Variants in TMEM178B observed in about 807,000 individuals in gnomAD.
TMEM178B encodes transmembrane protein 178B.
In TMEM178B, 5 loss-of-function variants were observed where a neutral mutation model predicts 31.0. The observed-to-expected ratio is 0.16, with a 90% CI of 0.08 to 0.34. TMEM178B has a LOEUF of 0.34. TMEM178B is among the 10% of genes least tolerant of loss of function. The pLI is 1.00. For synonymous variants in TMEM178B, 164 were observed against 164.0 expected (o/e 1.00, Z 0.00); for missense variants, 275 against 400.3 (o/e 0.69, Z 2.67).
chr7:141,501,846 T>TGC, the TMEM178B span, among the ~76,000 whole-genome samples: 1 of 144,920 alleles, frequency 6.9e-6, no homozygotes, highest in African/African-American at 2.9e-5. Flanking sequence ...CAGTCTCTCA[T>TGC]GCTCTCTCTC....
At chr7:141,435,141 C>T (rs927735108) in intron 2 of TMEM178B, among the ~76,000 whole-genome samples, 3 of 148,774 alleles carry the variant, frequency 2.0e-5, no homozygotes, top group African/African-American at 7.5e-5. Flanking sequence ...AGGACATCCT[C>T]TTCAGTAAAT....
At chr7:141,495,221 T>G in the TMEM178B span, among the ~76,000 whole-genome samples, 4 of 152,126 alleles carry the variant, frequency 2.6e-5, no homozygotes, top group Non-Finnish European at 4.4e-5. Flanking sequence ...AATGGGTCAT[T>G]GCTGAGGGAA....
the TMEM178B span, among the ~76,000 whole-genome samples, chr7:141,492,711 G>A: frequency 6.6e-5 from 10 of 152,224 alleles, no homozygotes; most frequent in East Asian, 9.7e-4. Flanking sequence ...TAGAAACAAC[G>A]AGCACATCAA....
At chr7:141,222,790 A>G (rs1048394251) in intron 2 of TMEM178B, among the ~76,000 whole-genome samples, 9 of 152,164 alleles carry the variant, frequency 5.9e-5, no homozygotes, top group Non-Finnish European at 1.5e-5. Flanking sequence ...AGGTGTTTAC[A>G]ATGTAGGAGT....
At chr7:141,487,910 G>C in the TMEM178B span, among the ~76,000 whole-genome samples, 72 of 151,960 alleles carry the variant, frequency 4.7e-4, no homozygotes, top group Non-Finnish European at 9.4e-4. Flanking sequence ...CCCCGCAGTG[G>C]CATCTTTGGA....
chr7:141,470,858 A>C lies in TMEM178B; in HGVS notation c.*72A>C. ...ATATACATATATAAAACAAAACAAA[A>C]CTAAATCAAGACGATGCCAGTGCCA... On this transcript the variant is annotated 3_prime_UTR_variant, in exon 4 of 4. Transcript: ENST00000565468. 9.1e-6 allele frequency: 8 copies of C among 880,724 alleles called. No individual in the cohort carries two copies. Among genetic ancestry groups the C allele is most frequent in the Non-Finnish European group, 1.1e-5 (8 of 711,562 alleles). 54.6% of individuals were successfully genotyped at this position (880,724 alleles called of 1,614,324 possible).
rs560141891 is a variant in TMEM178B, at chr7:141,171,729, G to A, written c.383-40862G>A. 7.9e-5 allele frequency among the ~76,000 whole-genome samples: 12 copies of A among 152,304 alleles called. No homozygotes were observed. Among genetic ancestry groups the A allele is most frequent in the African/African-American group, 2.9e-4 (12 of 41,570 alleles). On this transcript the variant is annotated intron_variant, in intron 1 of 3. Coordinates refer to ENST00000565468, the MANE Select transcript of TMEM178B (RefSeq NM_001195278.2). This position sits in a 1 kb window ranked among gnomAD's most constrained non-coding sequence, Gnocchi z 4.3. ...TCTTAGACAGGGCAGGGGGTAGAGA[G>A]GCGACAGTTAAGCAAGGCAGTGTGA... is the stretch of plus-strand genomic sequence containing the variant.
intron 2 of TMEM178B, among the ~76,000 whole-genome samples, chr7:141,389,221 T>TA (rs888299049): frequency 2.6e-5 from 4 of 152,194 alleles, no homozygotes; most frequent in Admixed American, 2.0e-4. Context: ...GAATGCATAG[T>TA]AAAAAACACG....
At chr7:141,469,689 G>A (rs1399226636) in intron 3 of TMEM178B, among the ~76,000 whole-genome samples, 1 of 152,130 alleles carries the variant, frequency 6.6e-6, no homozygotes, top group African/African-American at 2.4e-5. Context: ...ATTCATTTTA[G>A]GCACACCAAA....
chr7:141,415,793 G>C (rs1409536576), intron 2 of TMEM178B, among the ~76,000 whole-genome samples: 1 of 152,196 alleles, frequency 6.6e-6, no homozygotes, highest in Non-Finnish European at 1.5e-5. Context: ...TTCTGAATTA[G>C]AGGCACAGGC....
chr7:141,288,006 A>AT (rs1798475811), intron 2 of TMEM178B, among the ~76,000 whole-genome samples: 1 of 152,078 alleles, frequency 6.6e-6, no homozygotes, highest in Admixed American at 6.5e-5. Flanking sequence ...GTAGCTCAAA[A>AT]ATTCTTTTAA....
chr7:141,420,533 A>C (rs1801184320), intron 2 of TMEM178B, among the ~76,000 whole-genome samples: 1 of 152,176 alleles, frequency 6.6e-6, no homozygotes. Flanking sequence ...AAAATAAGTC[A>C]ATAGAGCTGC....
chr7:141,406,448 A>G (rs915158080), intron 2 of TMEM178B, among the ~76,000 whole-genome samples: 1 of 152,178 alleles, frequency 6.6e-6, no homozygotes, highest in Non-Finnish European at 1.5e-5. Context: ...CTGCCCATAA[A>G]TCCTAAGGAC....
chr7:141,211,022 T>C (rs1430269876), intron 1 of TMEM178B, among the ~76,000 whole-genome samples: 1 of 152,074 alleles, frequency 6.6e-6, no homozygotes, highest in African/African-American at 2.4e-5. Flanking sequence ...GAAATTGTTA[T>C]GGAAATTAGA....
chr7:141,373,598 T>G (rs1800156500), intron 2 of TMEM178B, among the ~76,000 whole-genome samples: 1 of 152,164 alleles, frequency 6.6e-6, no homozygotes, highest in Non-Finnish European at 1.5e-5. Flanking sequence ...GGTGGCCTTC[T>G]AAGAAGTCCC....
intron 2 of TMEM178B, among the ~76,000 whole-genome samples, chr7:141,365,633 A>C (rs570071077): frequency 7.0e-4 from 107 of 152,340 alleles, no homozygotes; most frequent in Non-Finnish European, 1.2e-3. Context: ...GGCTTACAGC[A>C]TATCTCCAAT....
intron 3 of TMEM178B, among the ~76,000 whole-genome samples, chr7:141,467,751 C>T (rs372863306): frequency 1.1e-4 from 17 of 152,322 alleles, no homozygotes; most frequent in African/African-American, 3.6e-4. Context: ...CTCCTCAATG[C>T]GCCCTCACCA....
Position 141,471,769 on chromosome 7 carries a change from GGTGTGT to G in TMEM178B, c.*989_*994del, listed in dbSNP as rs150535593. ...TTCTGCAGCTACAGATCCCTGGAGT[GGTGTGT>G]GTGTGCGTGTGTGTGTGTGTGTGTG... is the stretch of plus-strand genomic sequence containing the variant. On this transcript the variant is annotated 3_prime_UTR_variant, in exon 4 of 4. Coordinates refer to ENST00000565468, the MANE Select transcript of TMEM178B (RefSeq NM_001195278.2). The surrounding 1 kb of genome is among the most constrained non-coding windows in gnomAD (Gnocchi z 4.1). The G allele has an allele frequency of 7.8e-6, 1 of 128,532 alleles. No homozygotes were observed. Among genetic ancestry groups the G allele is most frequent in the African/African-American group, 2.9e-5 (1 of 34,192 alleles). 8.0% of individuals were successfully genotyped at this position (128,532 alleles called of 1,614,324 possible).
chr7:141,342,256 T>C (rs1451514378), intron 2 of TMEM178B, among the ~76,000 whole-genome samples: 1 of 152,222 alleles, frequency 6.6e-6, no homozygotes, highest in African/African-American at 2.4e-5. Context: ...AAAATATAAC[T>C]TATAAGCAAA....
Sources: allele counts gnomAD v4.1 joint callset (sites outside exome capture counted in the v4.1 genomes callset), GRCh38; gene constraint gnomAD v4.1.1; non-coding constraint Gnocchi (gnomAD v3.1); transcripts MANE v1.5; gene names NCBI Gene and HGNC (gene_info 2026-07-23, HGNC 2026-07-21).